The following THEMIS variants were observed in gnomAD, a reference collection of about 807,000 sequenced individuals.
The protein encoded by THEMIS is thymocyte selection associated.
THEMIS carries 37 observed loss-of-function variants against 52.6 expected under a neutral mutation model. The observed-to-expected ratio is 0.70, with a 90% CI of 0.54 to 0.93. The LOEUF (loss-of-function observed/expected upper bound fraction) is 0.93. Ranked by LOEUF, THEMIS falls within the 40% of genes least tolerant of loss-of-function variation. The probability of loss-of-function intolerance (pLI) is 0.00; values close to 1 mark genes in which losing one functional copy is unlikely to be tolerated. For synonymous variants in THEMIS, 292 were observed against 272.7 expected (o/e 1.07, Z -0.70); for missense variants, 808 against 763.1 (o/e 1.06, Z -0.69).
chr6:127,797,830 C>G (rs558554551), intron 4 of THEMIS, among the ~76,000 whole-genome samples: 43 of 152,350 alleles, frequency 2.8e-4, no homozygotes, highest in African/African-American at 1.0e-3. Flanking sequence ...CTCCTTGCTT[C>G]CAAGATGGGA....
chr6:127,720,325 A>G (rs949359372), intron 4 of THEMIS, among the ~76,000 whole-genome samples: 2 of 151,936 alleles, frequency 1.3e-5, no homozygotes, highest in Non-Finnish European at 2.9e-5. Context: ...CCTTTAGTCA[A>G]TTTCAGAGTA....
chr6:127,903,567 A>T (rs1377400623), upstream of THEMIS, among the ~76,000 whole-genome samples: 1 of 152,016 alleles, frequency 6.6e-6, no homozygotes, highest in Non-Finnish European at 1.5e-5. Context: ...GATACATTTT[A>T]AAATTAAATT....
chr6:127,798,750 G>A (rs1437911845), intron 4 of THEMIS, among the ~76,000 whole-genome samples: 2 of 152,082 alleles, frequency 1.3e-5, no homozygotes, highest in Non-Finnish European at 2.9e-5. Flanking sequence ...CAGCACTTTG[G>A]GAGGCCGAGG....
At chr6:127,864,205 G>T (rs1052351276) in intron 1 of THEMIS, among the ~76,000 whole-genome samples, 1 of 151,816 alleles carries the variant, frequency 6.6e-6, no homozygotes, top group Non-Finnish European at 1.5e-5. Context: ...ACCAAGGGGG[G>T]CACAGTGCAT....
intron 1 of THEMIS, among the ~76,000 whole-genome samples, chr6:127,886,049 C>A (rs1780635160): frequency 6.6e-6 from 1 of 152,114 alleles, no homozygotes; most frequent in Non-Finnish European, 1.5e-5. Context: ...ATCACTCTCC[C>A]CCTCCTTCCA....
intron 4 of THEMIS, among the ~76,000 whole-genome samples, chr6:127,792,809 C>A (rs1295518738): frequency 6.6e-6 from 1 of 152,190 alleles, no homozygotes; most frequent in East Asian, 1.9e-4. Flanking sequence ...CTTTTACTAA[C>A]CATATTTCCT....
intron 2 of THEMIS, among the ~76,000 whole-genome samples, chr6:127,834,434 A>C (rs1276973020): frequency 1.3e-5 from 2 of 150,778 alleles, no homozygotes; most frequent in Non-Finnish European, 3.0e-5. Flanking sequence ...AAAAAAAAAA[A>C]AAAGCTGGGC....
chr6:127,847,916 T>C (rs967777433), intron 2 of THEMIS, among the ~76,000 whole-genome samples: 3 of 144,700 alleles, frequency 2.1e-5, no homozygotes, highest in Non-Finnish European at 3.1e-5. Context: ...TTATTATTAT[T>C]ATCATTATTA....
At chr6:127,893,832 A>G (rs1042858307) in intron 1 of THEMIS, among the ~76,000 whole-genome samples, 1 of 152,144 alleles carries the variant, frequency 6.6e-6, no homozygotes, top group African/African-American at 2.4e-5. Flanking sequence ...AGGCAGAAAG[A>G]GGACAAAGAA....
chr6:127,703,597 G>A (rs1363966575), downstream of THEMIS, among the ~76,000 whole-genome samples: 2 of 152,066 alleles, frequency 1.3e-5, no homozygotes, highest in South Asian at 2.1e-4. Context: ...AGGGACTAGG[G>A]CCCCATAGCT....
In THEMIS at chr6:127,846,488, C is replaced by A. The variant is rs925173585; in HGVS notation, c.250+8542G>T. On this transcript the variant is annotated intron_variant, in intron 2 of 5. Transcript: ENST00000368248. ...CCAATACCACATAAATACAAAATATCATTCAAAACTGCTATGAACACCTTT... is the reference window on the plus strand; with the variant it reads ...CCAATACCACATAAATACAAAATATAATTCAAAACTGCTATGAACACCTTT... Among the ~76,000 whole-genome samples the A allele has an allele frequency of 2.0e-5, 3 of 151,752 alleles. No individual in the cohort carries two copies. The East Asian group carries it at 5.8e-4, about 30-fold the overall frequency.
At chr6:127,868,151 G>A (rs1780042081) in intron 1 of THEMIS, among the ~76,000 whole-genome samples, 1 of 152,016 alleles carries the variant, frequency 6.6e-6, no homozygotes, top group Non-Finnish European at 1.5e-5. Context: ...TGGCTTTTTT[G>A]AGCATCAAAT....
intron 4 of THEMIS, among the ~76,000 whole-genome samples, chr6:127,812,109 C>T (rs1207059513): frequency 6.6e-6 from 1 of 151,996 alleles, no homozygotes; most frequent in Admixed American, 6.6e-5. Flanking sequence ...TCCTTCCACA[C>T]ACCACAGAAC....
chr6:127,747,355 TATATA>T (rs1228348885), intron 4 of THEMIS, among the ~76,000 whole-genome samples: 1 of 144,772 alleles, frequency 6.9e-6, no homozygotes, highest in African/African-American at 2.5e-5. Context: ...CAATTATAGA[TATATA>T]ATATAATATT....
chr6:127,739,342 A>G (rs546457539), intron 4 of THEMIS, among the ~76,000 whole-genome samples: 10 of 152,106 alleles, frequency 6.6e-5, no homozygotes, highest in South Asian at 2.1e-4. Flanking sequence ...AAATTATGGG[A>G]AAAAAAATAA....
intron 1 of THEMIS, among the ~76,000 whole-genome samples, chr6:127,891,594 C>T (rs1289543529): frequency 1.3e-5 from 2 of 151,542 alleles, no homozygotes; most frequent in Admixed American, 1.3e-4. Context: ...GACATTTCTA[C>T]CTCCAAAGCA....
At position 127,812,967 on chromosome 6, in the gene THEMIS, C is replaced by T. The variant is rs866930287; in HGVS notation, c.1674G>A (p.Pro558=). The T allele has an allele frequency of 6.8e-6, 11 of 1,613,868 alleles. 1 individual carries two copies. The highest frequency in any genetic ancestry group is 6.6e-5 in the South Asian group (6 of 91,078). Residue 558 remains proline, a synonymous_variant, in exon 4 of 6, where the codon CCG becomes CCA. Coordinates refer to ENST00000368248, the MANE Select transcript of THEMIS (RefSeq NM_001010923.3). The part of the protein sequence containing the change: ...SSASHPPPRP[P]KHPSVEETKL... ...TTGTTTCCTCTACTGAGGGGTGTTT[C>T]GGAGGGCGAGGTGGGGGATGTGAGG...
rs199539520 is a variant in THEMIS, at chr6:127,829,464, G to A, written c.709+12C>T. On this transcript the variant is annotated intron_variant, in intron 3 of 5. Transcript: ENST00000368248. ...TCATGCTCATAGAACATCATTCTCAGTGGATACTCACATTTCATCACACCT... is the reference window on the plus strand; with the variant it reads ...TCATGCTCATAGAACATCATTCTCAATGGATACTCACATTTCATCACACCT... The A allele has an allele frequency of 6.3e-7, 1 of 1,579,228 alleles. No homozygotes were observed. Among genetic ancestry groups the A allele is most frequent in the East Asian group, 2.2e-5 (1 of 44,716 alleles).
chr6:127,803,890 G>A (rs1258295219), intron 4 of THEMIS, among the ~76,000 whole-genome samples: 1 of 152,150 alleles, frequency 6.6e-6, no homozygotes, highest in Non-Finnish European at 1.5e-5. Flanking sequence ...CTACAGAACA[G>A]ACATAGTGAT....
Sources: allele counts gnomAD v4.1 joint callset (sites outside exome capture counted in the v4.1 genomes callset), GRCh38; gene constraint gnomAD v4.1.1; transcripts MANE v1.5; gene names NCBI Gene and HGNC (gene_info 2026-07-23, HGNC 2026-07-21).